Variants in DAB1 observed in about 807,000 individuals in gnomAD.
DAB1 encodes disabled homolog 1.
In DAB1, 15 loss-of-function variants were observed where a neutral mutation model predicts 64.6. That is an observed-to-expected ratio of 0.23 (90% confidence interval 0.16 to 0.36). The LOEUF is 0.36. DAB1 is among the 10% of genes least tolerant of loss of function. DAB1 has a pLI of 1.00. For synonymous variants in DAB1, 235 were observed against 251.9 expected (o/e 0.93, Z 0.64); for missense variants, 596 against 706.7 (o/e 0.84, Z 1.78).
At chr1:57,179,999 A>C (rs1175541640) in intron 2 of DAB1, among the ~76,000 whole-genome samples, 1 of 152,176 alleles carries the variant, frequency 6.6e-6, no homozygotes, top group Non-Finnish European at 1.5e-5. Flanking sequence ...AGGAAAGAAA[A>C]ATAAAGGCTA....
At chr1:57,987,931 A>C (rs189321377) in intron 5 of DAB1, among the ~76,000 whole-genome samples, 1 of 152,108 alleles carries the variant, frequency 6.6e-6, no homozygotes, top group East Asian at 1.9e-4. Flanking sequence ...TTGGGATGCG[A>C]TCGCATGCCT....
chr1:58,490,056 C>A (rs1645651384), intron 3 of DAB1, among the ~76,000 whole-genome samples: 1 of 152,234 alleles, frequency 6.6e-6, no homozygotes, highest in Non-Finnish European at 1.5e-5. Context: ...CAAAGGAACA[C>A]AGCTCGTCAC....
chr1:57,505,973 C>G (rs1644338839), intron 7 of DAB1, among the ~76,000 whole-genome samples: 1 of 152,190 alleles, frequency 6.6e-6, no homozygotes, highest in Admixed American at 6.5e-5. Flanking sequence ...ACCTGGCTAA[C>G]TTCTTAATTT....
chr1:57,274,487 TA>T (rs1382511459), intron 2 of DAB1, among the ~76,000 whole-genome samples: 5 of 152,202 alleles, frequency 3.3e-5, no homozygotes, highest in Non-Finnish European at 7.3e-5. Flanking sequence ...AAGCGCTCAA[TA>T]AATACTAGCC....
intron 14 of DAB1, among the ~76,000 whole-genome samples, chr1:57,008,429 T>C (rs1253640161): frequency 6.6e-6 from 1 of 152,174 alleles, no homozygotes; most frequent in South Asian, 2.1e-4. Context: ...ATAATGATGA[T>C]GATAATGATG....
At chr1:57,915,356 G>T (rs1392858231) in intron 5 of DAB1, among the ~76,000 whole-genome samples, 1 of 151,990 alleles carries the variant, frequency 6.6e-6, no homozygotes, top group Non-Finnish European at 1.5e-5. Flanking sequence ...AGATCACCTA[G>T]GCCAGTTGAA....
At chr1:57,114,467 AG>A (rs1294827178) in intron 4 of DAB1, among the ~76,000 whole-genome samples, 1 of 152,222 alleles carries the variant, frequency 6.6e-6, no homozygotes, top group African/African-American at 2.4e-5. Context: ...TATGTTAAGA[AG>A]AAAAAAAAAG....
chr1:57,503,478 G>A (rs889646235), intron 7 of DAB1, among the ~76,000 whole-genome samples: 2 of 152,076 alleles, frequency 1.3e-5, no homozygotes, highest in African/African-American at 4.8e-5. Flanking sequence ...CTTCCCATCT[G>A]TCATCTGCAC....
At chr1:58,323,978 TA>T (rs138333693) in intron 4 of DAB1, among the ~76,000 whole-genome samples, 9 of 150,124 alleles carry the variant, frequency 6.0e-5, no homozygotes, top group Non-Finnish European at 7.4e-5. Flanking sequence ...AACCATCAAT[TA>T]AAAAAAAATT....
intron 1 of DAB1, among the ~76,000 whole-genome samples, chr1:57,854,791 G>A (rs570793746): frequency 3.9e-5 from 6 of 152,264 alleles, no homozygotes; most frequent in South Asian, 2.1e-4. Flanking sequence ...TGGCTAAGGC[G>A]GTTATGATGC....
At chr1:57,781,116 CTCTCTCTCTCTATATATATATA>C (rs1386563877) in intron 6 of DAB1, among the ~76,000 whole-genome samples, 9 of 59,058 alleles carry the variant, frequency 1.5e-4, no homozygotes, top group African/African-American at 4.4e-4. Flanking sequence ...CTCTCTCTCT[CTCTCTCTCTCTATATATATATA>C]TATATATATA....
At chr1:58,463,181 A>G (rs1476771496) in intron 3 of DAB1, among the ~76,000 whole-genome samples, 2 of 152,186 alleles carry the variant, frequency 1.3e-5, no homozygotes, top group African/African-American at 2.4e-5. Flanking sequence ...GCACAGATCA[A>G]TGTTGCTGAA....
chr1:57,138,042 C>A (rs2100801267), intron 3 of DAB1, among the ~76,000 whole-genome samples: 1 of 152,130 alleles, frequency 6.6e-6, no homozygotes, highest in South Asian at 2.1e-4. Flanking sequence ...ATTTAAAGTA[C>A]CTAGCACAAT....
At chr1:57,977,722 C>T (rs1307002362) in intron 5 of DAB1, among the ~76,000 whole-genome samples, 1 of 152,048 alleles carries the variant, frequency 6.6e-6, no homozygotes, top group East Asian at 1.9e-4. Flanking sequence ...CCCGGACCCA[C>T]CACAAGAATT....
At chr1:57,721,605 G>A (rs1647151446) in intron 6 of DAB1, among the ~76,000 whole-genome samples, 2 of 152,222 alleles carry the variant, frequency 1.3e-5, no homozygotes, top group Non-Finnish European at 2.9e-5. Flanking sequence ...AGGAAGGAAA[G>A]AGCCCAGGCT....
intron 1 of DAB1, among the ~76,000 whole-genome samples, chr1:57,368,793 C>T (rs1680266204): frequency 6.6e-6 from 1 of 152,080 alleles, no homozygotes; most frequent in African/African-American, 2.4e-5. Flanking sequence ...GTGCCACTGG[C>T]CAACAAAGGT....
intron 7 of DAB1, among the ~76,000 whole-genome samples, chr1:57,469,230 G>A (rs1287007979): frequency 6.6e-6 from 1 of 152,136 alleles, no homozygotes; most frequent in Admixed American, 6.5e-5. Flanking sequence ...TACATTATAG[G>A]ATTGTTGTGA....
chr1:58,153,551 T>G (rs1228346375), intron 4 of DAB1, among the ~76,000 whole-genome samples: 1 of 152,182 alleles, frequency 6.6e-6, no homozygotes, highest in Non-Finnish European at 1.5e-5. Context: ...TTTCATATCT[T>G]ATGAAATACA....
intron 2 of DAB1, among the ~76,000 whole-genome samples, chr1:57,271,063 C>T (rs568555532): frequency 2.0e-5 from 3 of 152,128 alleles, no homozygotes; most frequent in Admixed American, 2.0e-4. Context: ...CCTCTGTAAG[C>T]CTTTCCCCAG....
Sources: allele counts gnomAD v4.1 joint callset (sites outside exome capture counted in the v4.1 genomes callset), GRCh38; gene constraint gnomAD v4.1.1; transcripts MANE v1.5; gene names NCBI Gene and HGNC (gene_info 2026-07-23, HGNC 2026-07-21).